Variants in GPHN observed in about 807,000 individuals in gnomAD.
GPHN encodes gephyrin.
Under a neutral mutation model 95.5 loss-of-function variants are expected in GPHN, and 17 were observed. That is an observed-to-expected ratio of 0.18 (90% CI 0.12 to 0.27). GPHN has a LOEUF of 0.27. Among genes scored for constraint, GPHN ranks in the 10% least tolerant of loss-of-function variants. The pLI is 1.00. For missense variants in GPHN, 660 were observed against 978.1 expected (o/e 0.67, Z 4.34); for synonymous variants, 320 against 322.5 (o/e 0.99, Z 0.08).
intron 12 of GPHN, among the ~76,000 whole-genome samples, chr14:67,091,701 T>A (rs901081160): frequency 4.0e-5 from 6 of 151,736 alleles, no homozygotes; most frequent in South Asian, 2.1e-4. Context: ...AAAAAAAAAA[T>A]GGTTGCTGTT....
chr14:67,435,473 G>A, the GPHN span, among the ~76,000 whole-genome samples: 3 of 152,198 alleles, frequency 2.0e-5, no homozygotes, highest in African/African-American at 7.2e-5. Context: ...ACCATAGCAG[G>A]CAGCAACAGC....
the GPHN span, among the ~76,000 whole-genome samples, chr14:67,590,380 G>A: frequency 6.6e-6 from 1 of 151,688 alleles, no homozygotes; most frequent in Non-Finnish European, 1.5e-5. Flanking sequence ...AGCCTCCCGA[G>A]TAGCTGGGAT....
the GPHN span, chr14:67,662,336 A>G: frequency 1.3e-6 from 1 of 744,944 alleles, no homozygotes; most frequent in Non-Finnish European, 2.2e-6. Context: ...AACCATCCCC[A>G]TCAACTGGCT....
chr14:66,600,171 T>C (rs1408322905), intron 1 of GPHN, among the ~76,000 whole-genome samples: 1 of 152,076 alleles, frequency 6.6e-6, no homozygotes, highest in Non-Finnish European at 1.5e-5. Flanking sequence ...CTGTGCAGTT[T>C]TGTGAAGTTT....
At chr14:66,767,111 A>G (rs1174157763) in intron 2 of GPHN, among the ~76,000 whole-genome samples, 1 of 152,074 alleles carries the variant, frequency 6.6e-6, no homozygotes, top group African/African-American at 2.4e-5. Flanking sequence ...TATGAAAGAA[A>G]AGATTTATTT....
At chr14:66,648,910 T>C (rs2064893888) in intron 1 of GPHN, among the ~76,000 whole-genome samples, 1 of 152,178 alleles carries the variant, frequency 6.6e-6, no homozygotes, top group Admixed American at 6.5e-5. Context: ...CTAAGGAGAC[T>C]CAGGAGAAAT....
At chr14:66,794,632 GA>G (rs1235881869) in intron 3 of GPHN, among the ~76,000 whole-genome samples, 1 of 152,096 alleles carries the variant, frequency 6.6e-6, no homozygotes, top group African/African-American at 2.4e-5. Context: ...AGTTAATGTA[GA>G]AAAAACAGAA....
At chr14:67,268,159 C>A in the GPHN span, among the ~76,000 whole-genome samples, 23,552 of 152,154 alleles carry the variant, frequency 0.15, 3,444 homozygotes, top group East Asian at 0.42. Flanking sequence ...CAGACTCTAC[C>A]ATTTTACATT....
the GPHN span, among the ~76,000 whole-genome samples, chr14:67,299,695 CA>C: frequency 6.6e-6 from 1 of 152,070 alleles, no homozygotes; most frequent in East Asian, 1.9e-4. Context: ...GAATAAGCAA[CA>C]TATAGGTTAG....
intron 1 of GPHN, among the ~76,000 whole-genome samples, chr14:66,667,456 A>G (rs935250510): frequency 6.6e-6 from 1 of 152,182 alleles, no homozygotes; most frequent in African/African-American, 2.4e-5. Context: ...AAGAATAGAC[A>G]CATAACCAAA....
chr14:67,479,637 G>A, the GPHN span, among the ~76,000 whole-genome samples: 1 of 152,124 alleles, frequency 6.6e-6, no homozygotes, highest in Non-Finnish European at 1.5e-5. Context: ...AGAATCGCTT[G>A]AACCTGGGAG....
the GPHN span, among the ~76,000 whole-genome samples, chr14:67,549,889 G>C: frequency 6.6e-5 from 10 of 152,346 alleles, no homozygotes; most frequent in African/African-American, 2.2e-4. Context: ...CCAAGAATCT[G>C]CATGATGACA....
the GPHN span, chr14:67,572,108 G>A: frequency 1.9e-6 from 3 of 1,595,566 alleles, no homozygotes; most frequent in Non-Finnish European, 2.6e-6. Context: ...GTGGGACCCG[G>A]GCCTTGACTC....
chr14:67,705,037 G>T, the GPHN span, among the ~76,000 whole-genome samples: 1 of 152,194 alleles, frequency 6.6e-6, no homozygotes, highest in Non-Finnish European at 1.5e-5. Flanking sequence ...TTTTGTTGAT[G>T]GAAATTAAGG....
intron 5 of GPHN, among the ~76,000 whole-genome samples, chr14:66,903,954 C>T (rs1432524952): frequency 6.6e-6 from 1 of 152,122 alleles, no homozygotes; most frequent in Non-Finnish European, 1.5e-5. Flanking sequence ...TTACTTCCAT[C>T]TTCCCCACAT....
chr14:67,577,271 C>T, the GPHN span: 3 of 1,413,958 alleles, frequency 2.1e-6, no homozygotes, highest in Non-Finnish European at 2.0e-6. Context: ...GTAGTAACTG[C>T]CCTTGCTCTC....
At chr14:66,854,523 C>T (rs2062719862) in intron 4 of GPHN, among the ~76,000 whole-genome samples, 2 of 152,272 alleles carry the variant, frequency 1.3e-5, no homozygotes, top group African/African-American at 4.8e-5. Context: ...ATTTAAAACA[C>T]AAATATAAAT....
rs575881724 is a variant in GPHN, at chr14:67,015,294, A to G, written c.964-8339A>G. On this transcript the variant is annotated intron_variant, in intron 9 of 22. Coordinates refer to ENST00000478722, the MANE Select transcript of GPHN (RefSeq NM_020806.5). ...GTGGAATTTAACAATGAAAATTTAT[A>G]TAACAGTGGGAAAACATTTAAGAAT... is the stretch of plus-strand genomic sequence containing the variant. Among the ~76,000 whole-genome samples, 18 of 152,340 alleles carry G rather than the reference A, an allele frequency of 1.2e-4. No homozygotes were observed. The South Asian group carries it at 2.3e-3, about 19-fold the overall frequency.
At chr14:67,676,793 TTTCTTC>T in the GPHN span, 2 of 152,244 alleles carry the variant, frequency 1.3e-5, no homozygotes, top group Admixed American at 1.3e-4. Context: ...TGAACAGTGT[TTTCTTC>T]TTTTGACTGT....
Sources: gnomAD v4.1 joint callset for allele counts (sites outside exome capture counted in the v4.1 genomes callset) on GRCh38, gnomAD v4.1.1 for gene constraint, MANE v1.5 for transcripts, NCBI Gene and HGNC (gene_info 2026-07-23, HGNC 2026-07-21) for gene names.